Variants in IFFO1 observed in about 807,000 individuals in gnomAD.
IFFO1 encodes the protein intermediate filament family orphan 1.
Under a neutral mutation model 59.6 loss-of-function variants are expected in IFFO1, and 42 were observed. The observed-to-expected ratio is 0.70, with a 90% CI of 0.55 to 0.91. The LOEUF (loss-of-function observed/expected upper bound fraction) is 0.91, where lower values mean the gene tolerates loss of function less well. IFFO1 is among the 40% of genes least tolerant of loss of function. IFFO1 has a pLI of 0.00. For synonymous variants in IFFO1, 336 were observed against 342.8 expected, an observed-to-expected ratio of 0.98 and a Z score of 0.22; for missense variants, 711 against 793.2, an observed-to-expected ratio of 0.90 and a Z score of 1.24.
Position 6,541,834 on chromosome 12 carries a change from C to A in IFFO1, c.1480-192G>T, listed in dbSNP as rs559250712. ...AGCGAATACACCATTGTTTCCTCTG[C>A]TTTTCCTGGAAATCTTTGCCTATGG... On this transcript the variant is annotated intron_variant, in intron 8 of 9. Transcript: ENST00000619571. This position sits in a 1 kb window ranked among gnomAD's most constrained non-coding sequence, Gnocchi z 4.8. Among the ~76,000 whole-genome samples the A allele has an allele frequency of 1.6e-4, 24 of 152,358 alleles. No individual in the cohort carries two copies. The East Asian group carries it at 3.7e-3, about 23-fold the overall frequency.
chr12:6,541,432 G>C lies in IFFO1; in HGVS notation c.1610+80C>G, dbSNP rs554155753. On this transcript the variant is annotated intron_variant, in intron 9 of 9. Transcript: ENST00000619571. This position sits in a 1 kb window ranked among gnomAD's most constrained non-coding sequence, Gnocchi z 4.8. ...GCAAGATGTGACCCAGTCATTGCCT[G>C]AGGGTCTCTGGGGCTGTGTTCCAAC... 6.4e-7 allele frequency: 1 copy of C among 1,559,782 alleles called. No homozygotes were observed. The highest frequency in any genetic ancestry group is 2.2e-5 in the East Asian group (1 of 44,584).
chr12:6,542,244 A>G (rs1467338013), intron 8 of IFFO1, among the ~76,000 whole-genome samples: 2 of 152,160 alleles, frequency 1.3e-5, no homozygotes, highest in East Asian at 3.8e-4. Context: ...AGACTCCCAT[A>G]TTGGAGGTGC....
chr12:6,548,187 G>A lies in IFFO1; in HGVS notation c.1384-27C>T, dbSNP rs1332591976. On this transcript the variant is annotated intron_variant, in intron 7 of 9. Coordinates refer to ENST00000619571, the MANE Select transcript of IFFO1 (RefSeq NM_001193457.2). The surrounding 1 kb of genome is among the most constrained non-coding windows in gnomAD (Gnocchi z 6.1). ...TGGAGTAGAAAGGGAAGCGGGGGAG[G>A]CCAGCCAAGGAGGGATGGGATGGGA... is the stretch of plus-strand genomic sequence containing the variant. 3 of 1,583,802 alleles carry A rather than the reference G, an allele frequency of 1.9e-6. No homozygotes were observed. In the Admixed American group the frequency reaches 5.0e-5, roughly 26 times the overall value.
rs1337380437 is a variant in IFFO1 at position 6,550,985 on chromosome 12, T to C, written c.790A>G (p.Thr264Ala). The change falls in exon 2 of 10, where the codon ACG becomes GCG. Residue 264 changes from threonine to alanine, a missense_variant. This residue lies in a region of IFFO1 where 579 missense variants were observed against 650.3 expected (regional missense o/e 0.89). Coordinates refer to ENST00000619571, the MANE Select transcript of IFFO1 (RefSeq NM_001193457.2). Reference protein sequence around the residue: ...EYKRRWEEEYTVRIQLQDRVN... With the variant: ...EYKRRWEEEYAVRIQLQDRVN... ...CGGTCTTGCAGCTGGATCCGCACCG[T>C]GTACTCCTCTTCCCACCTGACAGAC... 1 of 1,614,120 alleles carries C rather than the reference T, an allele frequency of 6.2e-7. No individual in the cohort carries two copies. The highest frequency in any genetic ancestry group is 8.5e-7 in the Non-Finnish European group (1 of 1,179,998).
intron 8 of IFFO1, among the ~76,000 whole-genome samples, chr12:6,546,528 G>A (rs1946972370): frequency 6.6e-6 from 1 of 152,216 alleles, no homozygotes; most frequent in African/African-American, 2.4e-5. Context: ...CTGTCGCCCA[G>A]GCTGGAGTGC....
intron 3 of IFFO1, chr12:6,550,420 G>A (rs1385036292): frequency 2.7e-5 from 14 of 519,194 alleles, no homozygotes; most frequent in Admixed American, 9.8e-5. Flanking sequence ...CCAGCGCCCC[G>A]GCGCCAGCTG....
intron 8 of IFFO1, among the ~76,000 whole-genome samples, chr12:6,546,387 G>C (rs1408490226): frequency 6.6e-6 from 1 of 152,204 alleles, no homozygotes; most frequent in Non-Finnish European, 1.5e-5. Context: ...GTCGGGAAAG[G>C]ACCACCTCAC....
chr12:6,553,605 G>GA (rs894412869), intron 1 of IFFO1, among the ~76,000 whole-genome samples: 98 of 141,398 alleles, frequency 6.9e-4, no homozygotes, highest in Middle Eastern at 7.2e-3. Context: ...AACGCAAAAA[G>GA]AAAAAAAAAA....
intron 8 of IFFO1, among the ~76,000 whole-genome samples, chr12:6,546,632 T>C (rs979586243): frequency 7.3e-5 from 11 of 151,224 alleles, no homozygotes; most frequent in Admixed American, 2.0e-4. Context: ...TACAGGTGCC[T>C]GCCACCACGG....
intron 8 of IFFO1, among the ~76,000 whole-genome samples, chr12:6,546,302 G>A (rs972388427): frequency 2.4e-4 from 36 of 152,214 alleles, no homozygotes; most frequent in African/African-American, 7.2e-4. Flanking sequence ...GGGGGACTAC[G>A]TATGAATCTC....
At chr12:6,545,083 C>T (rs1946891274) in intron 8 of IFFO1, among the ~76,000 whole-genome samples, 2 of 151,910 alleles carry the variant, frequency 1.3e-5, no homozygotes, top group Non-Finnish European at 2.9e-5. Context: ...GGCGTAGTGG[C>T]AGGCGCCTGT....
In IFFO1 at chr12:6,548,024, C is replaced by G. The variant is rs749923265; in HGVS notation, c.1479+41G>C. 1 of 1,503,040 alleles carries G rather than the reference C, an allele frequency of 6.7e-7. No homozygotes were observed. Among genetic ancestry groups the G allele is most frequent in the East Asian group, 2.3e-5 (1 of 44,348 alleles). The allele number at this position is 1,503,040 out of a possible 1,614,324, so 93.1% of individuals were successfully genotyped here. On this transcript the variant is annotated intron_variant, in intron 8 of 9. Coordinates refer to ENST00000619571, the MANE Select transcript of IFFO1 (RefSeq NM_001193457.2). The surrounding 1 kb of genome is among the most constrained non-coding windows in gnomAD (Gnocchi z 6.1). ...TGCGCCTGCAGCCCCACTCAAAACC[C>G]TCTGGGACACCACGCCCCTGGCTTC...
At chr12:6,543,011 G>A (rs188461771) in intron 8 of IFFO1, among the ~76,000 whole-genome samples, 22 of 152,292 alleles carry the variant, frequency 1.4e-4, no homozygotes, top group African/African-American at 5.1e-4. Flanking sequence ...GGAGGTGAAC[G>A]TGCATGTCAG....
At position 6,555,533 on chromosome 12, in the gene IFFO1, G is replaced by A. The variant is rs749285031; in HGVS notation, c.497C>T (p.Pro166Leu). The change falls in exon 1 of 10, where the codon CCC becomes CTC. Residue 166 changes from proline to leucine, a missense_variant. By Grantham distance (98) the Pro-to-Leu change is moderately conservative. This residue lies in a region of IFFO1 where 579 missense variants were observed against 650.3 expected (regional missense o/e 0.89). Transcript: ENST00000619571. The surrounding 1 kb of genome is among the most constrained non-coding windows in gnomAD (Gnocchi z 8.6). ...LGSPARSPAG[P>L]LAPSAASLSS... ...GAGGCTGGCCGCGGAGGGCGCGAGG[G>A]GGCCGGCCGGGGAGCGCGCGGGCGA... 2.6e-6 allele frequency: 4 copies of A among 1,549,216 alleles called. No individual in the cohort carries two copies. The highest frequency in any genetic ancestry group is 2.8e-5 in the African/African-American group (2 of 71,708).
intron 8 of IFFO1, among the ~76,000 whole-genome samples, chr12:6,547,805 G>A (rs1947036706): frequency 6.6e-6 from 1 of 152,008 alleles, no homozygotes; most frequent in Non-Finnish European, 1.5e-5. Flanking sequence ...GAAAGGAAAG[G>A]AGGGGCTCAG....
intron 2 of IFFO1, 70 bp from the exon 3 acceptor site, chr12:6,550,860 G>T: frequency 6.2e-7 from 1 of 1,601,600 alleles, no homozygotes; most frequent in South Asian, 1.1e-5. Flanking sequence ...TGCCAAGGAG[G>T]GACAGGGAGA....
chr12:6,555,885 C>A lies in IFFO1; in HGVS notation c.145G>T (p.Ala49Ser). 6.3e-7 allele frequency: 1 copy of A among 1,588,308 alleles called. No homozygotes were observed. Among genetic ancestry groups the A allele is most frequent in the South Asian group, 1.1e-5 (1 of 89,552 alleles). The part of the protein sequence containing the change: ...PPAPLSPAGP[A>S]AYSPPGPGPA... ...CCCGGCCCGGGCGGCGAGTAGGCAG[C>A]AGGGCCGGCCGGCGAGAGAGGCGCC... The change falls in exon 1 of 10, where the codon GCT (alanine) becomes TCT (serine). Residue 49 changes from alanine (A) to serine (S), a missense_variant. Ala to Ser is a moderately conservative substitution (Grantham distance 99, BLOSUM62 1). Coordinates refer to ENST00000619571, the MANE Select transcript of IFFO1 (RefSeq NM_001193457.2). This position sits in a 1 kb window ranked among gnomAD's most constrained non-coding sequence, Gnocchi z 8.6.
At chr12:6,551,636 T>G (rs1406636114) in intron 1 of IFFO1, 13 of 464,406 alleles carry the variant, frequency 2.8e-5, no homozygotes, top group Non-Finnish European at 5.4e-5. Flanking sequence ...GTGACCAGAC[T>G]GGCTCAGAGG....
intron 8 of IFFO1, among the ~76,000 whole-genome samples, chr12:6,542,031 C>T (rs1438071470): frequency 1.3e-5 from 2 of 152,166 alleles, no homozygotes; most frequent in African/African-American, 2.4e-5. Flanking sequence ...TGGGCTGTCC[C>T]CTCACTGCAC....
Sources: gnomAD v4.1 joint callset for allele counts (sites outside exome capture counted in the v4.1 genomes callset) on GRCh38, gnomAD v4.1.1 for gene constraint, gnomAD v4.1.1 regional missense constraint, Gnocchi (gnomAD v3.1) non-coding constraint, MANE v1.5 for transcripts, NCBI Gene and HGNC (gene_info 2026-07-23, HGNC 2026-07-21) for gene names.